Variants in MFAP3L observed in about 807,000 individuals in gnomAD.
MFAP3L encodes microfibrillar-associated protein 3-like.
Under a neutral mutation model 20.0 loss-of-function variants are expected in MFAP3L, and 5 were observed. The ratio of observed to expected loss-of-function variants is 0.25; its 90% CI spans 0.13 to 0.53. The LOEUF is 0.53. MFAP3L is among the 20% of genes least tolerant of loss of function. MFAP3L has a pLI of 0.96. For missense variants in MFAP3L, 409 were observed against 527.5 expected, an observed-to-expected ratio of 0.78 and a Z score of 2.20; for synonymous variants, 219 against 213.0, an observed-to-expected ratio of 1.03 and a Z score of -0.25.
intron 1 of MFAP3L, among the ~76,000 whole-genome samples, chr4:170,010,368 TAG>T (rs1391856029): frequency 1.3e-5 from 2 of 152,224 alleles, no homozygotes; most frequent in Admixed American, 6.5e-5. Context: ...AGGATCAGCA[TAG>T]AGTCTCTTGA....
intron 1 of MFAP3L, among the ~76,000 whole-genome samples, chr4:170,024,180 A>T (rs113114244): frequency 0.062 from 9,472 of 151,836 alleles, 413 homozygotes; most frequent in Non-Finnish European, 0.094. Flanking sequence ...TGTTTTTTTG[A>T]GTTTTAGGTT....
intron 2 of MFAP3L, among the ~76,000 whole-genome samples, chr4:169,995,368 A>G (rs1184121355): frequency 3.9e-5 from 6 of 152,298 alleles, no homozygotes; most frequent in African/African-American, 1.4e-4. Flanking sequence ...CGTTCTGGGA[A>G]CCAAGACTCC....
rs1286620959 is a variant in MFAP3L at position 170,005,773 on chromosome 4, A to C, written c.105T>G (p.Thr35=). The change falls in exon 2 of 3, where the codon ACT becomes ACG. Residue 35 remains threonine (T), a synonymous_variant. Coordinates refer to ENST00000361618, the MANE Select transcript of MFAP3L (RefSeq NM_021647.8). The part of the protein sequence containing the change: ...LATAKSVTNS[T]LNGTNVVLGS... ...CCAAGACCACGTTAGTGCCATTTAA[A>C]GTGCTGTTAGTCACACTCTTAGCGG... The C allele has an allele frequency of 1.2e-6, 2 of 1,614,226 alleles. No homozygotes were observed. Among genetic ancestry groups the C allele is most frequent in the Admixed American group, 3.3e-5 (2 of 60,028 alleles).
intron 2 of MFAP3L, among the ~76,000 whole-genome samples, chr4:170,003,505 CCA>C (rs953928041): frequency 1.1e-4 from 16 of 152,292 alleles, no homozygotes; most frequent in African/African-American, 2.9e-4. Context: ...CGCTAAGATA[CCA>C]CATATGTATC....
intron 2 of MFAP3L, among the ~76,000 whole-genome samples, chr4:169,996,294 T>C (rs1455983564): frequency 6.6e-6 from 1 of 152,182 alleles, no homozygotes; most frequent in Non-Finnish European, 1.5e-5. Flanking sequence ...CTGACATTTG[T>C]AGAAGGGCAG....
chr4:170,006,001 G>A lies in MFAP3L; in HGVS notation c.-124C>T, dbSNP rs1221974731. 1.2e-5 allele frequency: 18 copies of A among 1,440,360 alleles called. No individual in the cohort carries two copies. Among genetic ancestry groups the A allele is most frequent in the Non-Finnish European group, 1.6e-5 (18 of 1,099,260 alleles). The allele number at this position is 1,440,360 out of a possible 1,614,324, so 89.2% of individuals were successfully genotyped here. A position where few individuals can be genotyped will look rare whatever the true frequency, so the allele number is the denominator to read the frequency against. On this transcript the variant is annotated 5_prime_UTR_variant, in exon 2 of 3. Transcript: ENST00000361618. The stretch of plus-strand genomic sequence containing the variant: ...TCCTGGGTCCATAGAGTTGGTACTT[G>A]AGCAAGAACCTGTTTTTAAGAAAAC...
rs1433590265 is a variant in MFAP3L, at chr4:170,005,512, C to T, written c.298+68G>A. On this transcript the variant is annotated intron_variant, in intron 2 of 2. Transcript: ENST00000361618. Reference sequence around the variant, plus strand: ...TCATTTGCATGAGAAGAACTAACATCACGGGTGCTGGCTCCAAAGCTCCTG... The same window carrying T: ...TCATTTGCATGAGAAGAACTAACATTACGGGTGCTGGCTCCAAAGCTCCTG... 20 of 1,500,000 alleles carry T rather than the reference C, an allele frequency of 1.3e-5. No individual in the cohort carries two copies. The East Asian group carries it at 4.3e-4, about 32-fold the overall frequency. The allele number at this position is 1,500,000 out of a possible 1,614,324, so 92.9% of individuals were successfully genotyped here.
intron 1 of MFAP3L, among the ~76,000 whole-genome samples, chr4:170,007,218 T>C (rs1218656417): frequency 6.6e-6 from 1 of 152,182 alleles, no homozygotes; most frequent in African/African-American, 2.4e-5. Context: ...CTGGAGTGCT[T>C]TCCTGCCCTA....
intron 2 of MFAP3L, among the ~76,000 whole-genome samples, chr4:170,004,307 T>C (rs1738888926): frequency 6.6e-6 from 1 of 152,118 alleles, no homozygotes; most frequent in South Asian, 2.1e-4. Flanking sequence ...AACTATAATG[T>C]CTTCAATGTG....
chr4:169,996,358 C>T (rs949997967), intron 2 of MFAP3L, among the ~76,000 whole-genome samples: 35 of 152,058 alleles, frequency 2.3e-4, no homozygotes, highest in Non-Finnish European at 7.4e-5. Context: ...ATTGAGCAAA[C>T]TGTGTACCAG....
chr4:170,026,705 G>A (rs1730464506), upstream of MFAP3L, among the ~76,000 whole-genome samples: 1 of 152,206 alleles, frequency 6.6e-6, no homozygotes, highest in African/African-American at 2.4e-5. Flanking sequence ...GGCAGCGCGG[G>A]ACTCTCACTC....
chr4:170,026,572 G>GGCCCCGCGGAGGA (rs1554003491), upstream of MFAP3L: 3 of 151,746 alleles, frequency 2.0e-5, no homozygotes, highest in Admixed American at 6.6e-5. Context: ...GCTGCGGAGC[G>GGCCCCGCGGAGGA]GCCCCGCGGA....
intron 1 of MFAP3L, among the ~76,000 whole-genome samples, chr4:170,008,156 A>G (rs566073823): frequency 4.6e-5 from 7 of 152,034 alleles, no homozygotes; most frequent in Non-Finnish European, 1.0e-4. Context: ...TCCGTTAGAG[A>G]CCTTACGAGA....
At chr4:170,023,973 CCAA>C (rs537113547) in intron 1 of MFAP3L, among the ~76,000 whole-genome samples, 157 of 152,218 alleles carry the variant, frequency 1.0e-3, no homozygotes, top group African/African-American at 3.4e-3. Context: ...TCTAATGTCA[CCAA>C]CAACATCATA....
intron 2 of MFAP3L, among the ~76,000 whole-genome samples, chr4:170,000,324 G>C (rs1738524784): frequency 6.6e-6 from 1 of 152,116 alleles, no homozygotes; most frequent in African/African-American, 2.4e-5. Flanking sequence ...GCTGAGTTTT[G>C]GAAAGGTTGA....
At chr4:170,003,557 A>T in intron 2 of MFAP3L, 1 of 430,056 alleles carries the variant, frequency 2.3e-6, no homozygotes, top group Non-Finnish European at 3.1e-6. Flanking sequence ...ATAATCCTCG[A>T]AATGTTGGAA....
At chr4:170,026,410 G>T, upstream of MFAP3L, 1 of 472,584 alleles carries the variant, frequency 2.1e-6, no homozygotes, top group South Asian at 8.8e-5. Context: ...GGAGCGCGGA[G>T]CTTCCCACCT....
intron 2 of MFAP3L, among the ~76,000 whole-genome samples, chr4:169,996,760 C>A (rs957345084): frequency 6.6e-6 from 1 of 152,248 alleles, no homozygotes; most frequent in South Asian, 2.1e-4. Context: ...TATATCTATC[C>A]TGCAGGAGAC....
At chr4:170,018,636 T>TG in intron 1 of MFAP3L, among the ~76,000 whole-genome samples, 1 of 152,194 alleles carries the variant, frequency 6.6e-6, no homozygotes, top group South Asian at 2.1e-4. Flanking sequence ...GGATGGTTAA[T>TG]ACTCAGATGT....
Sources: allele counts gnomAD v4.1 joint callset (sites outside exome capture counted in the v4.1 genomes callset), GRCh38; gene constraint gnomAD v4.1.1; transcripts MANE v1.5; gene names NCBI Gene and HGNC (gene_info 2026-07-23, HGNC 2026-07-21).